Variants in SPINK9 observed in about 807,000 individuals in gnomAD.
SPINK9 encodes the protein serine protease inhibitor Kazal-type 9.
Under a neutral mutation model 10.8 loss-of-function variants are expected in SPINK9, and 3 were observed. The ratio of observed to expected loss-of-function variants is 0.28; its 90% CI spans 0.13 to 0.72. The LOEUF is 0.72. SPINK9 is among the 30% of genes least tolerant of loss of function. The pLI is 0.74. For missense variants in SPINK9, 101 were observed against 103.2 expected (o/e 0.98, Z 0.09); for synonymous variants, 30 against 31.2 (o/e 0.96, Z 0.12).
intron 1 of SPINK9, chr5:148,323,673 T>C (rs936551768): frequency 2.9e-5 from 16 of 550,532 alleles, no homozygotes; most frequent in African/African-American, 2.5e-4. Context: ...ATTTTACCTT[T>C]TGAAGGTTAG....
At chr5:148,334,331 G>T (rs369420219), upstream of SPINK9, among the ~76,000 whole-genome samples, 5 of 152,190 alleles carry the variant, frequency 3.3e-5, no homozygotes, top group East Asian at 7.7e-4. Context: ...TGGGAGCTGG[G>T]GAGGCCAAAG....
In SPINK9 at chr5:148,321,382, C is replaced by A. The variant is rs938759239; in HGVS notation, c.-91C>A. 2.0e-5 allele frequency: 3 copies of A among 151,936 alleles called. No homozygotes were observed. The South Asian group carries it at 6.2e-4, about 32-fold the overall frequency. The allele number at this position is 151,936 out of a possible 1,614,324, so 9.4% of individuals were successfully genotyped here. On this transcript the variant is annotated 5_prime_UTR_variant, in exon 1 of 5. Transcript: ENST00000511717. ...AATGCAAAAGCCTCAGGAGCCGATGCGATCAACTGGAAGAAAGGGTATCAG... is the reference window on the plus strand; with the variant it reads ...AATGCAAAAGCCTCAGGAGCCGATGAGATCAACTGGAAGAAAGGGTATCAG...
intron 2 of SPINK9, among the ~76,000 whole-genome samples, chr5:148,325,679 A>G (rs1055613128): frequency 6.6e-6 from 1 of 152,044 alleles, no homozygotes; most frequent in Non-Finnish European, 1.5e-5. Context: ...ATTTGCAAAT[A>G]TTTTCTCTCA....
chr5:148,334,353 G>A (rs796816936), upstream of SPINK9, among the ~76,000 whole-genome samples: 5 of 152,090 alleles, frequency 3.3e-5, no homozygotes, highest in African/African-American at 1.2e-4. Flanking sequence ...CAAAATGAGG[G>A]CCAATGCCAA....
At position 148,337,819 on chromosome 5, in the gene SPINK9, TTACTC is replaced by T. The variant is rs780114167; in HGVS notation, c.88-656_88-652del. Among the ~76,000 whole-genome samples the T allele has an allele frequency of 3.3e-5, 5 of 152,306 alleles. No homozygotes were observed. The East Asian group carries it at 5.8e-4, about 18-fold the overall frequency. On this transcript the variant is annotated intron_variant, in intron 2 of 3. Transcript: ENST00000377906. The stretch of plus-strand genomic sequence containing the variant: ...AATTTGCATTCAGATGTGTTTGACT[TTACTC>T]TATATGCTCTTCTATATGCTCATAG...
upstream of SPINK9, among the ~76,000 whole-genome samples, chr5:148,331,837 A>G (rs2113418585): frequency 6.6e-6 from 1 of 152,320 alleles, no homozygotes; most frequent in East Asian, 1.9e-4. Flanking sequence ...TTATGTCTCT[A>G]TTATACTGTT....
chr5:148,326,976 G>C (rs1179805211), intron 2 of SPINK9, among the ~76,000 whole-genome samples: 2 of 151,970 alleles, frequency 1.3e-5, no homozygotes, highest in Non-Finnish European at 2.9e-5. Context: ...ATAAACATAT[G>C]TGTGCATGTG....
intron 1 of SPINK9, 127 bp from the exon 2 acceptor site, chr5:148,336,295 C>A: frequency 3.1e-6 from 3 of 956,944 alleles, no homozygotes; most frequent in South Asian, 1.5e-5. Flanking sequence ...TGCTGATACA[C>A]AGTTGTGAAG....
intron 2 of SPINK9, among the ~76,000 whole-genome samples, chr5:148,326,621 G>C (rs942553273): frequency 7.2e-5 from 11 of 152,074 alleles, no homozygotes; most frequent in African/African-American, 2.7e-4. Flanking sequence ...CCATTAACTC[G>C]TCATTTAGCA....
chr5:148,328,728 G>T (rs967221260), intron 2 of SPINK9, among the ~76,000 whole-genome samples: 2 of 152,110 alleles, frequency 1.3e-5, no homozygotes, highest in Admixed American at 6.5e-5. Context: ...GTTGAATTTT[G>T]TCAAAGGCCT....
intron 2 of SPINK9, 37 bp from the exon 3 acceptor site, chr5:148,338,441 G>A: frequency 7.7e-6 from 12 of 1,564,704 alleles, no homozygotes; most frequent in Non-Finnish European, 1.0e-5. Flanking sequence ...TAAAGATTTG[G>A]TTGAAAGAGT....
At chr5:148,323,507 T>A (rs1234213803) in intron 1 of SPINK9, among the ~76,000 whole-genome samples, 5 of 152,192 alleles carry the variant, frequency 3.3e-5, no homozygotes, top group Non-Finnish European at 7.4e-5. Context: ...ATAAACTGTT[T>A]AATGTCAATG....
chr5:148,335,697 C>T (rs199784854), intron 1 of SPINK9, 29 bp downstream of exon 1: 2 of 1,609,744 alleles, frequency 1.2e-6, no homozygotes, highest in Non-Finnish European at 1.7e-6. Flanking sequence ...ACTGCCCCTG[C>T]CCTTGTACTA....
intron 2 of SPINK9, among the ~76,000 whole-genome samples, chr5:148,329,420 C>T (rs1197904601): frequency 6.6e-6 from 1 of 151,942 alleles, no homozygotes; most frequent in South Asian, 2.1e-4. Context: ...GTCTTGCTAG[C>T]CGTCTATCAA....
intron 2 of SPINK9, among the ~76,000 whole-genome samples, chr5:148,325,222 G>A (rs7702440): frequency 0.36 from 54,986 of 151,788 alleles, 11,045 homozygotes; most frequent in East Asian, 0.58. Flanking sequence ...TTATAAATAA[G>A]GCTGCTATGT....
At chr5:148,323,418 C>A (rs961116523) in intron 1 of SPINK9, among the ~76,000 whole-genome samples, 5 of 152,020 alleles carry the variant, frequency 3.3e-5, no homozygotes, top group African/African-American at 1.2e-4. Flanking sequence ...ATTATGATGG[C>A]AATAATCTAA....
intron 2 of SPINK9, among the ~76,000 whole-genome samples, chr5:148,324,767 T>C (rs1757038084): frequency 6.6e-6 from 1 of 151,894 alleles, no homozygotes; most frequent in African/African-American, 2.4e-5. Context: ...AATTCATGGC[T>C]TTTTGTACCC....
intron 2 of SPINK9, among the ~76,000 whole-genome samples, chr5:148,328,894 A>C (rs1457089526): frequency 6.6e-6 from 1 of 152,136 alleles, no homozygotes; most frequent in Non-Finnish European, 1.5e-5. Context: ...GTGTTGCTGG[A>C]TTCGGTTTGC....
At chr5:148,322,837 C>T (rs1581182831) in intron 1 of SPINK9, among the ~76,000 whole-genome samples, 2 of 152,026 alleles carry the variant, frequency 1.3e-5, no homozygotes, top group South Asian at 4.1e-4. Context: ...ATATGACATC[C>T]AAAGTAGACA....
Sources: allele counts gnomAD v4.1 joint callset (sites outside exome capture counted in the v4.1 genomes callset), GRCh38; gene constraint gnomAD v4.1.1; transcripts MANE v1.5; gene names NCBI Gene and HGNC (gene_info 2026-07-23, HGNC 2026-07-21).